PDE4D: variants seen among roughly 807,000 people sequenced by gnomAD.
The protein encoded by PDE4D is 3',5'-cyclic-AMP phosphodiesterase 4D.
A neutral mutation model predicts 87.4 loss-of-function variants in PDE4D; 24 were observed. That is an observed-to-expected ratio of 0.27 (90% CI 0.20 to 0.39). PDE4D has a LOEUF of 0.39. Among genes scored for constraint, PDE4D ranks in the 10% least tolerant of loss-of-function variants. PDE4D has a pLI of 1.00. For synonymous variants in PDE4D, 384 were observed against 383.2 expected, an observed-to-expected ratio of 1.00 and a Z score of -0.02; for missense variants, 714 against 1,041.0, an observed-to-expected ratio of 0.69 and a Z score of 4.32.
At chr5:59,651,443 C>T (rs298018) in intron 1 of PDE4D, among the ~76,000 whole-genome samples, 111,356 of 151,418 alleles carry the variant, frequency 0.74, 41,499 homozygotes, top group South Asian at 0.91. Context: ...TTTTCTTTAA[C>T]ACCGAGTGAA....
chr5:59,511,547 T>C (rs1810284236), intron 1 of PDE4D, among the ~76,000 whole-genome samples: 1 of 152,040 alleles, frequency 6.6e-6, no homozygotes, highest in Non-Finnish European at 1.5e-5. Flanking sequence ...TTGACTAATA[T>C]GCACAATGGT....
chr5:60,153,581 G>A (rs1400422483), intron 2 of PDE4D, among the ~76,000 whole-genome samples: 2 of 152,146 alleles, frequency 1.3e-5, no homozygotes, highest in African/African-American at 2.4e-5. Context: ...CATGTTCTTT[G>A]AAGCATTATT....
rs148282914 is a variant in PDE4D, at chr5:59,870,063, G to T, written c.455+23105C>A. 2.0e-3 allele frequency among the ~76,000 whole-genome samples: 305 copies of T among 152,262 alleles called. 1 individual carries two copies. Among genetic ancestry groups the T allele is most frequent in the African/African-American group, 6.8e-3 (282 of 41,548 alleles). On this transcript the variant is annotated intron_variant, in intron 1 of 14. Transcript: ENST00000340635. ...GTTGCCCACATACCATTAGGGCAAGGTCTGTTATCTGGAATTTTCCATAAA... is the reference window on the plus strand; with the variant it reads ...GTTGCCCACATACCATTAGGGCAAGTTCTGTTATCTGGAATTTTCCATAAA...
intron 1 of PDE4D, among the ~76,000 whole-genome samples, chr5:60,230,563 T>C (rs1745684054): frequency 6.6e-6 from 1 of 152,152 alleles, no homozygotes; most frequent in Non-Finnish European, 1.5e-5. Context: ...AAAACAACTG[T>C]GGACTACTGA....
chr5:59,797,805 CATTATT>C (rs1189326497), intron 1 of PDE4D, among the ~76,000 whole-genome samples: 1 of 151,898 alleles, frequency 6.6e-6, no homozygotes, highest in Non-Finnish European at 1.5e-5. Flanking sequence ...GGACACTTTT[CATTATT>C]ATTATTATTA....
At position 59,968,995 on chromosome 5, in the gene PDE4D, C is replaced by T. The variant is rs548595720; in HGVS notation, c.272+19493G>A. Among the ~76,000 whole-genome samples, 5 of 132,254 alleles carry T rather than the reference C, an allele frequency of 3.8e-5. No individual in the cohort carries two copies. The South Asian group carries it at 1.3e-3, about 34-fold the overall frequency. The allele number at this position is 132,254 out of a possible 152,430, so 86.8% of individuals were successfully genotyped here. ...GTTCATCAAGGAAGAAAAGGCACCC[C>T]CCCCCCGAAAAAAAGAGAAGCATCT... On this transcript the variant is annotated intron_variant, in intron 3 of 16. Coordinates refer to the PDE4D transcript ENST00000502484.
chr5:59,767,150 C>CT (rs34936913), intron 1 of PDE4D, among the ~76,000 whole-genome samples: 25,503 of 151,202 alleles, frequency 0.17, 2,526 homozygotes, highest in Middle Eastern at 0.32. Flanking sequence ...CTTGTTTCTG[C>CT]TTTTTTTTTC....
chr5:59,645,945 G>A (rs1333603552), intron 1 of PDE4D, among the ~76,000 whole-genome samples: 2 of 152,122 alleles, frequency 1.3e-5, no homozygotes, highest in Non-Finnish European at 2.9e-5. Flanking sequence ...GCATTATCTT[G>A]TTATTCTCAA....
chr5:59,901,521 AAAC>A (rs1226815148), intron 3 of PDE4D, among the ~76,000 whole-genome samples: 1 of 152,224 alleles, frequency 6.6e-6, no homozygotes, highest in African/African-American at 2.4e-5. Context: ...AATTGGAAGA[AAAC>A]ATAGCAACCC....
chr5:59,714,022 C>T (rs115252670), intron 1 of PDE4D, among the ~76,000 whole-genome samples: 252 of 152,256 alleles, frequency 1.7e-3, no homozygotes, highest in African/African-American at 5.5e-3. Flanking sequence ...GAGTTAGAGG[C>T]TGTTGTGAAT....
chr5:59,179,878 T>C (rs1389535000), intron 5 of PDE4D, among the ~76,000 whole-genome samples: 2 of 152,196 alleles, frequency 1.3e-5, no homozygotes, highest in African/African-American at 4.8e-5. Flanking sequence ...AGAGTTCAAT[T>C]TGGTTTCAGG....
chr5:59,943,208 T>C (rs1250354340), intron 3 of PDE4D, among the ~76,000 whole-genome samples: 1 of 69,272 alleles, frequency 1.4e-5, no homozygotes, highest in South Asian at 4.8e-4. Context: ...TTATTATTAT[T>C]ATCCTTTTTT....
chr5:60,214,684 T>G (rs1415529439), intron 1 of PDE4D, among the ~76,000 whole-genome samples: 1 of 152,156 alleles, frequency 6.6e-6, no homozygotes, highest in Non-Finnish European at 1.5e-5. Flanking sequence ...TTAACCATGG[T>G]GCATGGTCCT....
At chr5:59,254,995 CA>C (rs1760695845) in intron 1 of PDE4D, among the ~76,000 whole-genome samples, 1 of 152,090 alleles carries the variant, frequency 6.6e-6, no homozygotes, top group African/African-American at 2.4e-5. Context: ...AATGCAGATA[CA>C]CTGGAAAATA....
intron 1 of PDE4D, among the ~76,000 whole-genome samples, chr5:60,427,274 T>C (rs1743803803): frequency 6.6e-6 from 1 of 151,974 alleles, no homozygotes; most frequent in Non-Finnish European, 1.5e-5. Flanking sequence ...CTGCAGCACA[T>C]CCAAGATAAA....
At position 59,776,841 on chromosome 5, in the gene PDE4D, A is replaced by G. The variant is rs1167688753; in HGVS notation, c.455+116327T>C. ...GTCTCACCGAAGATGAGTTTTGCCT[A>G]ATTTTAATGAATGTTTCACGAAAAA... On this transcript the variant is annotated intron_variant, in intron 1 of 14. Coordinates refer to ENST00000340635, the MANE Select transcript of PDE4D (RefSeq NM_001104631.2). Among the ~76,000 whole-genome samples the G allele has an allele frequency of 2.0e-5, 3 of 151,946 alleles. No homozygotes were observed. In the East Asian group the frequency reaches 5.8e-4, roughly 29 times the overall value.
intron 1 of PDE4D, among the ~76,000 whole-genome samples, chr5:60,315,280 T>G (rs556729138): frequency 1.1e-4 from 17 of 152,352 alleles, no homozygotes; most frequent in Admixed American, 1.3e-4. Context: ...TGCATAAATG[T>G]CTTCTTTTGA....
chr5:60,188,265 G>A (rs1784934961), intron 1 of PDE4D: 1 of 152,126 alleles, frequency 6.6e-6, no homozygotes, highest in Non-Finnish European at 1.5e-5. Flanking sequence ...TGTTGGTAGG[G>A]TAGAGGAATC....
chr5:59,521,891 C>A (rs777717610), intron 1 of PDE4D, among the ~76,000 whole-genome samples: 1 of 152,030 alleles, frequency 6.6e-6, no homozygotes, highest in Non-Finnish European at 1.5e-5. Flanking sequence ...TATTTGTTAA[C>A]CGTTGAAGGT....
Sources: gnomAD v4.1 joint callset for allele counts (sites outside exome capture counted in the v4.1 genomes callset) on GRCh38, gnomAD v4.1.1 for gene constraint, MANE v1.5 for transcripts, NCBI Gene and HGNC (gene_info 2026-07-23, HGNC 2026-07-21) for gene names.